CD200R1: variants seen among roughly 807,000 people sequenced by gnomAD.
CD200R1 encodes CD200 receptor 1.
Under a neutral mutation model 38.1 loss-of-function variants are expected in CD200R1, and 30 were observed. That is an observed-to-expected ratio of 0.79 (90% CI 0.59 to 1.07). The LOEUF (loss-of-function observed/expected upper bound fraction) is 1.07. Among genes scored for constraint, CD200R1 ranks in the 50% least tolerant of loss-of-function variants. The probability of loss-of-function intolerance (pLI) is 0.00; values close to 1 mark genes in which losing one functional copy is unlikely to be tolerated. For synonymous variants in CD200R1, 128 were observed against 152.1 expected (o/e 0.84, Z 1.16); for missense variants, 372 against 415.4 (o/e 0.90, Z 0.91).
intron 2 of CD200R1, among the ~76,000 whole-genome samples, chr3:112,941,642 A>G (rs1241422951): frequency 6.6e-6 from 1 of 151,598 alleles, no homozygotes; most frequent in Non-Finnish European, 1.5e-5. Flanking sequence ...AGTTAAAAAA[A>G]TGAAAAAAAT....
intron 1 of CD200R1, among the ~76,000 whole-genome samples, chr3:112,966,462 A>G (rs1292874088): frequency 6.6e-6 from 1 of 152,184 alleles, no homozygotes; most frequent in Non-Finnish European, 1.5e-5. Context: ...AAATAGCTAG[A>G]TTTTATTATT....
intron 1 of CD200R1, among the ~76,000 whole-genome samples, chr3:112,965,147 G>A (rs896746685): frequency 1.3e-5 from 2 of 152,276 alleles, no homozygotes; most frequent in East Asian, 1.9e-4. Context: ...AAGTAAAGAG[G>A]AGGTTTCAAG....
intron 2 of CD200R1, among the ~76,000 whole-genome samples, chr3:112,946,021 A>G (rs1940847406): frequency 7.8e-6 from 1 of 128,330 alleles, no homozygotes; most frequent in African/African-American, 3.1e-5. Context: ...CGACAAAGCG[A>G]GACTCCGTCT....
rs1307603903 is a variant in CD200R1 at position 112,922,037 on chromosome 3, G to A, written c.*1640C>T. 2 of 151,958 alleles carry A rather than the reference G, an allele frequency of 1.3e-5. No homozygotes were observed. Among genetic ancestry groups the A allele is most frequent in the Non-Finnish European group, 2.9e-5 (2 of 67,930 alleles). 9.4% of individuals were successfully genotyped at this position (151,958 alleles called of 1,614,324 possible). On this transcript the variant is annotated 3_prime_UTR_variant, in exon 8 of 8. Coordinates refer to ENST00000308611, the MANE Select transcript of CD200R1 (RefSeq NM_138806.4). ...AATATTTATATGCAGAAACCTAATGGACACTGCTTTTTGGTCAAGTCAAAA... is the reference window on the plus strand; with the variant it reads ...AATATTTATATGCAGAAACCTAATGAACACTGCTTTTTGGTCAAGTCAAAA...
intron 1 of CD200R1, among the ~76,000 whole-genome samples, chr3:112,963,334 A>G (rs1409937595): frequency 2.0e-5 from 3 of 152,166 alleles, no homozygotes; most frequent in Non-Finnish European, 2.9e-5. Context: ...GAGGGCTCAG[A>G]AGAAGAAAGG....
chr3:112,946,252 T>C (rs1024807895), intron 2 of CD200R1, among the ~76,000 whole-genome samples: 2 of 152,214 alleles, frequency 1.3e-5, no homozygotes, highest in Non-Finnish European at 2.9e-5. Flanking sequence ...ACAATGCCTG[T>C]ATATCACTAC....
At chr3:112,932,362 C>A (rs11705758) in intron 2 of CD200R1, among the ~76,000 whole-genome samples, 39,481 of 152,078 alleles carry the variant, frequency 0.26, 6,251 homozygotes, top group Non-Finnish European at 0.36. Flanking sequence ...AACAGTCTGG[C>A]AGTCCTACCC....
intron 2 of CD200R1, among the ~76,000 whole-genome samples, chr3:112,932,471 C>T (rs1382691779): frequency 6.6e-6 from 1 of 151,686 alleles, no homozygotes; most frequent in African/African-American, 2.4e-5. Flanking sequence ...GCTGAGTGTA[C>T]ATGCATCCTC....
At chr3:112,959,547 G>A (rs1402899488) in intron 1 of CD200R1, among the ~76,000 whole-genome samples, 1 of 152,018 alleles carries the variant, frequency 6.6e-6, no homozygotes, top group Non-Finnish European at 1.5e-5. Flanking sequence ...ACTTTACTGT[G>A]ATTTAAATTT....
At chr3:112,946,214 C>G (rs1940856670) in intron 2 of CD200R1, among the ~76,000 whole-genome samples, 1 of 152,084 alleles carries the variant, frequency 6.6e-6, no homozygotes, top group African/African-American at 2.4e-5. Context: ...TTTTTTAAAT[C>G]GTCTCTAGAT....
intron 1 of CD200R1, among the ~76,000 whole-genome samples, chr3:112,955,417 T>C (rs1474849070): frequency 6.6e-6 from 1 of 152,180 alleles, no homozygotes; most frequent in Non-Finnish European, 1.5e-5. Context: ...GGTGCTTCAA[T>C]GTTGGGTACA....
intron 5 of CD200R1, among the ~76,000 whole-genome samples, chr3:112,926,435 C>A (rs1450935002): frequency 6.6e-6 from 1 of 152,136 alleles, no homozygotes; most frequent in Non-Finnish European, 1.5e-5. Flanking sequence ...AAAACCCTTG[C>A]TTTCAAACTA....
chr3:112,930,982 C>G (rs1051231980), intron 3 of CD200R1, 124 bp downstream of exon 3: 1 of 687,296 alleles, frequency 1.5e-6, no homozygotes, highest in East Asian at 2.5e-5. Flanking sequence ...TACCACAGTA[C>G]TCAGATCACC....
chr3:112,939,413 A>G (rs1404216431), intron 2 of CD200R1, among the ~76,000 whole-genome samples: 2 of 152,034 alleles, frequency 1.3e-5, no homozygotes, highest in Non-Finnish European at 2.9e-5. Flanking sequence ...TAACACTGAT[A>G]AACAAATTCA....
At position 112,929,284 on chromosome 3, in the gene CD200R1, A is replaced by G; in HGVS notation, c.426T>C (p.Ile142=). The part of the protein sequence containing the change: ...SRPDQNSDLQ[I]RTVAITHDGY... ...CGTCATGAGTGATGGCCACGGTACG[A>G]ATCTGAAGGTCCGAATTCTGATCAG... Residue 142 remains isoleucine, a synonymous_variant, in exon 4 of 8, where the codon ATT becomes ATC. Transcript: ENST00000308611. The G allele has an allele frequency of 6.2e-7, 1 of 1,614,150 alleles. No individual in the cohort carries two copies. The highest frequency in any genetic ancestry group is 8.5e-7 in the Non-Finnish European group (1 of 1,180,010).
At chr3:112,955,411 C>T (rs1407754382) in intron 1 of CD200R1, among the ~76,000 whole-genome samples, 3 of 151,974 alleles carry the variant, frequency 2.0e-5, no homozygotes, top group Non-Finnish European at 4.4e-5. Context: ...TATTTAGGTG[C>T]TTCAATGTTG....
intron 1 of CD200R1, among the ~76,000 whole-genome samples, chr3:112,951,774 T>G (rs1432608038): frequency 1.3e-5 from 2 of 150,848 alleles, no homozygotes; most frequent in East Asian, 3.9e-4. Context: ...TTTAAAAATG[T>G]TTACAATAAT....
intron 2 of CD200R1, among the ~76,000 whole-genome samples, chr3:112,939,848 C>T (rs994739182): frequency 7.5e-6 from 1 of 132,748 alleles, no homozygotes; most frequent in Non-Finnish European, 1.6e-5. Flanking sequence ...AAAGCCCATA[C>T]TGAGCAAAAA....
intron 2 of CD200R1, among the ~76,000 whole-genome samples, chr3:112,932,681 G>A (rs1940476784): frequency 6.6e-6 from 1 of 152,174 alleles, no homozygotes; most frequent in South Asian, 2.1e-4. Flanking sequence ...TGTCAAGGGT[G>A]TCGCTCCCAG....
Sources: allele counts gnomAD v4.1 joint callset (sites outside exome capture counted in the v4.1 genomes callset), GRCh38; gene constraint gnomAD v4.1.1; transcripts MANE v1.5; gene names NCBI Gene and HGNC (gene_info 2026-07-23, HGNC 2026-07-21).